Variants in CREBBP observed in about 807,000 individuals in gnomAD.
The protein encoded by CREBBP is CREB binding lysine acetyltransferase, also known as CREB-binding protein.
In CREBBP, 19 loss-of-function variants were observed where a neutral mutation model predicts 265.0. The observed-to-expected ratio is 0.07, with a 90% confidence interval of 0.05 to 0.11. CREBBP has a LOEUF of 0.11. CREBBP is among the 10% of genes least tolerant of loss of function. The pLI is 1.00. For missense variants in CREBBP, 2,525 were observed against 3,219.0 expected (o/e 0.78, Z 5.22); for synonymous variants, 1,457 against 1,223.7 (o/e 1.19, Z -3.98).
chr16:3,803,460 G>A (rs1264103749), intron 3 of CREBBP, among the ~76,000 whole-genome samples: 3 of 151,786 alleles, frequency 2.0e-5, no homozygotes, highest in South Asian at 2.1e-4. Context: ...AGCCAAGATC[G>A]CGCCACTGCA....
Position 3,728,643 on chromosome 16 carries a change from T to TGGTGCATGCCAGGCTGGG in CREBBP, c.6386_6403dup (p.Pro2129_His2134dup). On this transcript the variant is annotated inframe_insertion, in exon 31 of 31. Coordinates refer to ENST00000262367, the MANE Select transcript of CREBBP (RefSeq NM_004380.3). This position sits in a 1 kb window ranked among gnomAD's most constrained non-coding sequence, Gnocchi z 8.7. ...ATTCAGGTTCTGCAGGCTGGGCTGC[T>TGGTGCATGCCAGGCTGGG]GGTGCATGCCAGGCTGGGGTTGCAT... 1 of 1,613,670 alleles carries TGGTGCATGCCAGGCTGGG rather than the reference T, an allele frequency of 6.2e-7. No homozygotes were observed. The highest frequency in any genetic ancestry group is 8.5e-7 in the Non-Finnish European group (1 of 1,179,888).
Position 3,850,609 on chromosome 16 carries a change from C to T in CREBBP, c.486G>A (p.Ala162=), listed in dbSNP as rs753948670. 2.1e-5 allele frequency: 34 copies of T among 1,614,102 alleles called. No homozygotes were observed. The highest frequency in any genetic ancestry group is 8.9e-5 in the East Asian group (4 of 44,896). Residue 162 remains alanine (A), a synonymous_variant, in exon 2 of 31, where the codon GCG becomes GCA. Transcript: ENST00000262367. ...NPQAQKQVGL[A]TSSPATSQTG... is the part of the protein sequence containing the mutation. ...TCTGTGACGTGGCAGGGCTGCTAGT[C>T]GCCAGCCCCACTTGCTTTTGTGCTT...
chr16:3,867,322 C>G (rs897594469), intron 1 of CREBBP, among the ~76,000 whole-genome samples: 9 of 151,744 alleles, frequency 5.9e-5, no homozygotes, highest in African/African-American at 2.2e-4. Context: ...AAGACCCTGT[C>G]TCTACAAAAA....
chr16:3,869,516 A>C (rs1345247607), intron 1 of CREBBP, among the ~76,000 whole-genome samples: 1 of 152,232 alleles, frequency 6.6e-6, no homozygotes, highest in Non-Finnish European at 1.5e-5. Context: ...AACTCTAGAC[A>C]AAGAGGATAA....
chr16:3,730,008 A>T, intron 30 of CREBBP, 134 bp from the exon 31 acceptor site: 1 of 1,449,788 alleles, frequency 6.9e-7, no homozygotes, highest in South Asian at 1.2e-5. Context: ...CCCAGACAGG[A>T]TGCGAGCACG....
Position 3,731,896 on chromosome 16 carries a change from G to A in CREBBP, c.4770C>T (p.Asn1590=), listed in dbSNP as rs1175096661. The change falls in exon 29 of 31, where the codon AAC becomes AAT. Residue 1590 remains asparagine, a synonymous_variant. Coordinates refer to ENST00000262367, the MANE Select transcript of CREBBP (RefSeq NM_004380.3). The surrounding 1 kb of genome is among the most constrained non-coding windows in gnomAD (Gnocchi z 7.7). ...TGCTTTTGTTCTTGTTGGTTTTCTT[G>A]TTGTTCTTCTTCTTGGCATTCTTGC... The part of the protein sequence containing the change: ...GDSKNAKKKN[N]KKTNKNKSSI... 1 of 1,614,208 alleles carries A rather than the reference G, an allele frequency of 6.2e-7. No individual in the cohort carries two copies. The highest frequency in any genetic ancestry group is 8.5e-7 in the Non-Finnish European group (1 of 1,180,028).
intron 1 of CREBBP, among the ~76,000 whole-genome samples, chr16:3,871,954 A>G (rs2055308632): frequency 1.3e-5 from 2 of 152,264 alleles, no homozygotes; most frequent in African/African-American, 4.8e-5. Flanking sequence ...AAGTAAAGTC[A>G]GATTTAATCA....
intron 1 of CREBBP, among the ~76,000 whole-genome samples, chr16:3,861,832 G>A (rs1049063679): frequency 1.3e-5 from 2 of 151,172 alleles, no homozygotes; most frequent in Non-Finnish European, 2.9e-5. Context: ...CCGTAATTCA[G>A]GCTTCTTTTA....
intron 2 of CREBBP, 79 bp downstream of exon 2, chr16:3,850,218 G>A (rs112027864): frequency 0.012 from 16,863 of 1,442,410 alleles, 147 homozygotes; most frequent in Middle Eastern, 0.039. Context: ...AGTGGGCCAC[G>A]TGGTCCCATT....
At chr16:3,849,443 GTGTGTGTGTGTGTGT>G (rs2054765609) in intron 2 of CREBBP, among the ~76,000 whole-genome samples, 10 of 20,064 alleles carry the variant, frequency 5.0e-4, no homozygotes, top group Admixed American at 6.2e-4. Context: ...GTGTGTGTGT[GTGTGTGTGTGTGTGT>G]GTGTGTGTGT....
At chr16:3,769,784 C>T (rs760704046) in intron 14 of CREBBP, among the ~76,000 whole-genome samples, 10 of 152,224 alleles carry the variant, frequency 6.6e-5, no homozygotes, top group Non-Finnish European at 1.3e-4. Flanking sequence ...CCTGTGTGAA[C>T]GGTAGGAACA....
At chr16:3,776,589 C>A (rs1032570708) in intron 11 of CREBBP, among the ~76,000 whole-genome samples, 6 of 152,192 alleles carry the variant, frequency 3.9e-5, no homozygotes, top group African/African-American at 1.4e-4. Context: ...AAGTGCTCAG[C>A]AGTCTAGGAC....
chr16:3,794,066 G>A (rs1162871845), intron 3 of CREBBP, among the ~76,000 whole-genome samples: 4 of 150,522 alleles, frequency 2.7e-5, no homozygotes, highest in African/African-American at 9.8e-5. Flanking sequence ...GTTGGCTCAC[G>A]CCTGTAATCT....
chr16:3,853,668 A>G (rs2054901147), intron 1 of CREBBP, among the ~76,000 whole-genome samples: 1 of 140,778 alleles, frequency 7.1e-6, no homozygotes, highest in Non-Finnish European at 1.6e-5. Context: ...CAGGCACGGT[A>G]GCTCATGCCT....
At chr16:3,760,408 T>TTTTTTTTG in intron 16 of CREBBP, among the ~76,000 whole-genome samples, 1 of 134,416 alleles carries the variant, frequency 7.4e-6, no homozygotes, top group Non-Finnish European at 1.6e-5. Context: ...TTTTTTTTTT[T>TTTTTTTTG]TTTTTTTTTT....
At chr16:3,833,048 C>G (rs763041284) in intron 2 of CREBBP, among the ~76,000 whole-genome samples, 1 of 152,166 alleles carries the variant, frequency 6.6e-6, no homozygotes, top group African/African-American at 2.4e-5. Context: ...TTATACTTAA[C>G]GAAAGGCTGA....
At chr16:3,837,947 T>A (rs2054488893) in intron 2 of CREBBP, among the ~76,000 whole-genome samples, 1 of 152,146 alleles carries the variant, frequency 6.6e-6, no homozygotes, top group Non-Finnish European at 1.5e-5. Flanking sequence ...CAACTTCCAG[T>A]CCTGCAAACA....
chr16:3,733,301 G>A (rs1350172505), intron 28 of CREBBP, among the ~76,000 whole-genome samples: 1 of 150,232 alleles, frequency 6.7e-6, no homozygotes, highest in Admixed American at 6.6e-5. Context: ...GGCGGAGCTT[G>A]CAGTGAGCTG....
intron 2 of CREBBP, 84 bp from the exon 3 acceptor site, chr16:3,810,863 T>C (rs1567331599): frequency 2.3e-6 from 3 of 1,331,428 alleles, no homozygotes; most frequent in Non-Finnish European, 3.2e-6. Context: ...CACAGTTTCC[T>C]ATGAAATACT....
Sources: allele counts gnomAD v4.1 joint callset (sites outside exome capture counted in the v4.1 genomes callset), GRCh38; gene constraint gnomAD v4.1.1; non-coding constraint Gnocchi (gnomAD v3.1); transcripts MANE v1.5; gene names NCBI Gene and HGNC (gene_info 2026-07-23, HGNC 2026-07-21).